MEP1A: variants seen among roughly 807,000 people sequenced by gnomAD.
MEP1A encodes the protein N-benzoyl-L-tyrosyl-P-amino-benzoic acid hydrolase subunit alpha.
In MEP1A, 68 loss-of-function variants were observed where a neutral mutation model predicts 84.5. That is an observed-to-expected ratio of 0.80 (90% CI 0.66 to 0.98). The LOEUF is 0.98. Among genes scored for constraint, MEP1A ranks in the 50% least tolerant of loss-of-function variants. The pLI is 0.00. For missense variants in MEP1A, 887 were observed against 919.9 expected, an observed-to-expected ratio of 0.96 and a Z score of 0.46; for synonymous variants, 337 against 336.8, an observed-to-expected ratio of 1.00 and a Z score of -0.01.
chr6:46,845,179 T>A, the MEP1A span, among the ~76,000 whole-genome samples: 1 of 152,212 alleles, frequency 6.6e-6, no homozygotes, highest in Non-Finnish European at 1.5e-5. Flanking sequence ...AGTGACGTAG[T>A]GTGATCAAAT....
At position 46,829,495 on chromosome 6, in the gene MEP1A, C is replaced by G. The variant is rs935372539; in HGVS notation, c.1068C>G (p.Asp356Glu). Reference protein sequence around the residue: ...FFYKMTGSPSDRLVVWVRRDD... With the variant: ...FFYKMTGSPSERLVVWVRRDD... ...ATAAAATGACGGGAAGTCCTTCAGACAGACTCGTTGTCTGGGTCAGGAGGG... is the reference window on the plus strand; with the variant it reads ...ATAAAATGACGGGAAGTCCTTCAGAGAGACTCGTTGTCTGGGTCAGGAGGG... Residue 356 changes from aspartate (D) to glutamate (E), a missense_variant, in exon 10 of 14, where the codon GAC (aspartate) becomes GAG (glutamate). Transcript: ENST00000230588. 6.2e-7 allele frequency: 1 copy of G among 1,614,158 alleles called. No homozygotes were observed. The highest frequency in any genetic ancestry group is 8.5e-7 in the Non-Finnish European group (1 of 1,179,996).
chr6:46,812,447 A>AT (rs1767527750), intron 6 of MEP1A, among the ~76,000 whole-genome samples: 1 of 151,218 alleles, frequency 6.6e-6, no homozygotes, highest in Non-Finnish European at 1.5e-5. Context: ...TGTCTTTTGT[A>AT]TTTTTTTATT....
chr6:46,835,132 A>T, intron 12 of MEP1A, 117 bp from the exon 13 acceptor site: 1 of 885,018 alleles, frequency 1.1e-6, no homozygotes, highest in Non-Finnish European at 1.7e-6. Context: ...CCACTTTTCC[A>T]TGTCACTAGG....
intron 3 of MEP1A, among the ~76,000 whole-genome samples, chr6:46,797,970 C>A (rs1767103492): frequency 7.7e-6 from 1 of 130,404 alleles, no homozygotes; most frequent in Non-Finnish European, 1.6e-5. Flanking sequence ...TTTTTTCTTC[C>A]TCTTTCTTTT....
chr6:46,796,112 A>G (rs1288153513), intron 3 of MEP1A, among the ~76,000 whole-genome samples: 2 of 152,194 alleles, frequency 1.3e-5, no homozygotes, highest in East Asian at 3.8e-4. Flanking sequence ...GTTGTCCCCA[A>G]GCCAGCAGCA....
chr6:46,823,862 G>A (rs1288552430), intron 7 of MEP1A, among the ~76,000 whole-genome samples: 1 of 152,174 alleles, frequency 6.6e-6, no homozygotes, highest in East Asian at 1.9e-4. Flanking sequence ...TTACATTGCA[G>A]CACATCTTAT....
intron 13 of MEP1A, 137 bp downstream of exon 13, chr6:46,835,686 T>A (rs1423403948): frequency 1.4e-5 from 13 of 934,760 alleles, no homozygotes; most frequent in African/African-American, 3.3e-5. Context: ...TTTCTTTGAC[T>A]CTACAAAGGT....
intron 13 of MEP1A, among the ~76,000 whole-genome samples, chr6:46,836,224 C>A (rs940036321): frequency 6.6e-6 from 1 of 152,182 alleles, no homozygotes; most frequent in Non-Finnish European, 1.5e-5. Context: ...GCATCTAGGT[C>A]TGTCTGGCAG....
chr6:46,808,702 G>A (rs992920688), intron 5 of MEP1A, among the ~76,000 whole-genome samples: 2 of 151,902 alleles, frequency 1.3e-5, no homozygotes, highest in African/African-American at 4.8e-5. Flanking sequence ...GTCCCCACAG[G>A]TTACTAGTCA....
At chr6:46,826,529 A>G (rs752918280) in intron 9 of MEP1A, 26 bp downstream of exon 9, 4 of 1,463,340 alleles carry the variant, frequency 2.7e-6, no homozygotes, top group Non-Finnish European at 3.7e-6. Context: ...AAGCAAACAC[A>G]TTGATGTGGT....
At chr6:46,794,189 T>G (rs1032046407) in intron 3 of MEP1A, among the ~76,000 whole-genome samples, 1 of 152,160 alleles carries the variant, frequency 6.6e-6, no homozygotes, top group Non-Finnish European at 1.5e-5. Context: ...CAAATATATT[T>G]CTTGAAGAAA....
At chr6:46,809,592 T>C (rs1767444002) in intron 6 of MEP1A, 55 bp downstream of exon 6, 1 of 1,198,780 alleles carries the variant, frequency 8.3e-7, no homozygotes, top group East Asian at 2.4e-5. Flanking sequence ...TCGTAAGAAG[T>C]ATTCTTTCCC....
rs1238754841 is a variant in MEP1A at position 46,819,626 on chromosome 6, G to A, written c.478G>A (p.Ala160Thr). The change falls in exon 7 of 14, where the codon GCT becomes ACT. Residue 160 changes from alanine (A) to threonine (T), a missense_variant. Ala to Thr is a moderately conservative substitution (Grantham distance 58). Transcript: ENST00000230588. Reference sequence around the variant, plus strand: ...CATCATAGAACACGAGATCCTGCATGCTTTGGGATTTTACCACGAGCAGTC... The same window carrying A: ...CATCATAGAACACGAGATCCTGCATACTTTGGGATTTTACCACGAGCAGTC... ...KAIIEHEILH[A>T]LGFYHEQSRT... 6 of 1,614,134 alleles carry A rather than the reference G, an allele frequency of 3.7e-6. No individual in the cohort carries two copies. Among genetic ancestry groups the A allele is most frequent in the South Asian group, 1.1e-5 (1 of 91,080 alleles).
At chr6:46,797,446 T>C (rs1313822725) in intron 3 of MEP1A, among the ~76,000 whole-genome samples, 1 of 152,188 alleles carries the variant, frequency 6.6e-6, no homozygotes, top group Non-Finnish European at 1.5e-5. Flanking sequence ...ATAACAGCAG[T>C]AGGAGAGTAT....
intron 5 of MEP1A, 117 bp from the exon 6 acceptor site, chr6:46,809,303 C>T: frequency 3.1e-6 from 2 of 644,068 alleles, no homozygotes; most frequent in South Asian, 5.7e-5. Context: ...TTACCAAAAA[C>T]CCTATCATGC....
rs1187496062 is a variant in MEP1A at position 46,826,371 on chromosome 6, T to G, written c.796T>G (p.Leu266Val). 1 of 1,605,698 alleles carries G rather than the reference T, an allele frequency of 6.2e-7. No individual in the cohort carries two copies. The highest frequency in any genetic ancestry group is 8.5e-7 in the Non-Finnish European group (1 of 1,176,358). ...ATTTGCAGCCACAACTCACACTCTTTTGGACCACTGTACTTTTGAGAAGGC... is the reference window on the plus strand; with the variant it reads ...ATTTGCAGCCACAACTCACACTCTTGTGGACCACTGTACTTTTGAGAAGGC... ...MYNCTTTHTL[L>V]DHCTFEKANI... Residue 266 changes from leucine to valine, a missense_variant, in exon 9 of 14, where the codon TTG (leucine) becomes GTG (valine). Transcript: ENST00000230588.
At chr6:46,814,132 C>A (rs1471866224) in intron 6 of MEP1A, among the ~76,000 whole-genome samples, 1 of 152,122 alleles carries the variant, frequency 6.6e-6, no homozygotes, top group Non-Finnish European at 1.5e-5. Context: ...CTCAATTATT[C>A]CCTCAAATAC....
At chr6:46,821,619 G>C (rs1378405912) in intron 7 of MEP1A, among the ~76,000 whole-genome samples, 1 of 152,164 alleles carries the variant, frequency 6.6e-6, no homozygotes, top group Admixed American at 6.5e-5. Context: ...GGGCTTTGAT[G>C]AAAATGTTGT....
chr6:46,795,403 C>T (rs553116896), intron 3 of MEP1A, among the ~76,000 whole-genome samples: 21 of 152,134 alleles, frequency 1.4e-4, no homozygotes, highest in South Asian at 1.0e-3. Flanking sequence ...TGGGTTCAAG[C>T]GAGTCTCCTG....
Sources: allele counts gnomAD v4.1 joint callset (sites outside exome capture counted in the v4.1 genomes callset), GRCh38; gene constraint gnomAD v4.1.1; transcripts MANE v1.5; gene names NCBI Gene and HGNC (gene_info 2026-07-23, HGNC 2026-07-21).